Variants in SUSD1 observed in about 807,000 individuals in gnomAD.
SUSD1 encodes the protein sushi domain-containing protein 1.
SUSD1 carries 65 observed loss-of-function variants against 86.9 expected under a neutral mutation model. The ratio of observed to expected loss-of-function variants is 0.75; its 90% confidence interval spans 0.61 to 0.92. The LOEUF (loss-of-function observed/expected upper bound fraction) is 0.92, where lower values mean the gene tolerates loss of function less well. SUSD1 is among the 40% of genes least tolerant of loss of function. The pLI is 0.00. For missense variants in SUSD1, 850 were observed against 929.7 expected, an observed-to-expected ratio of 0.91 and a Z score of 1.11; for synonymous variants, 346 against 350.0, an observed-to-expected ratio of 0.99 and a Z score of 0.13.
intron 10 of SUSD1, among the ~76,000 whole-genome samples, chr9:112,087,188 T>G (rs969816200): frequency 5.3e-5 from 8 of 152,156 alleles, no homozygotes; most frequent in African/African-American, 1.9e-4. Flanking sequence ...TTTTTCTTTT[T>G]TGAGATGAAG....
chr9:112,115,659 A>G (rs969613420), intron 6 of SUSD1, among the ~76,000 whole-genome samples: 2 of 151,888 alleles, frequency 1.3e-5, no homozygotes, highest in Non-Finnish European at 2.9e-5. Flanking sequence ...ATACAAAAAA[A>G]TTAGCCAAGC....
intron 6 of SUSD1, among the ~76,000 whole-genome samples, chr9:112,123,399 T>A (rs1831631491): frequency 6.6e-6 from 1 of 152,020 alleles, no homozygotes; most frequent in Non-Finnish European, 1.5e-5. Flanking sequence ...ACAAAGCCAT[T>A]CCTGAGTGAT....
chr9:112,162,007 A>G lies in SUSD1; in HGVS notation c.104-4394T>C, dbSNP rs149063749. On this transcript the variant is annotated intron_variant, in intron 1 of 16. Coordinates refer to ENST00000374270, the MANE Select transcript of SUSD1 (RefSeq NM_022486.5). ...TAAAATTTTGCCTTATGTCTACTTT[A>G]CCACAATAGTAAGAAAATATTGAAA... 1.4e-3 allele frequency among the ~76,000 whole-genome samples: 215 copies of G among 152,300 alleles called. 1 individual carries two copies. The highest frequency in any genetic ancestry group is 0.014 in the South Asian group (68 of 4,824).
intron 5 of SUSD1, among the ~76,000 whole-genome samples, chr9:112,130,369 T>A (rs943101211): frequency 5.9e-5 from 8 of 134,906 alleles, no homozygotes; most frequent in African/African-American, 2.3e-4. Context: ...CGAGACTCCA[T>A]CTCAAAAATA....
chr9:112,096,964 C>T (rs567589336), intron 10 of SUSD1, among the ~76,000 whole-genome samples: 3 of 152,104 alleles, frequency 2.0e-5, no homozygotes, highest in East Asian at 3.8e-4. Flanking sequence ...TCATGAGGTG[C>T]TCCTTGTGCA....
chr9:112,130,019 C>A (rs369959425), intron 5 of SUSD1, among the ~76,000 whole-genome samples: 1 of 152,144 alleles, frequency 6.6e-6, no homozygotes, highest in South Asian at 2.1e-4. Flanking sequence ...CCCACAAAAA[C>A]CAGTATTAAT....
At chr9:112,124,919 A>G (rs1831705656) in intron 5 of SUSD1, among the ~76,000 whole-genome samples, 1 of 152,216 alleles carries the variant, frequency 6.6e-6, no homozygotes, top group African/African-American at 2.4e-5. Context: ...GTTGCATAGG[A>G]GGAGACAAAC....
At chr9:112,129,609 C>A (rs1352712311) in intron 5 of SUSD1, among the ~76,000 whole-genome samples, 1 of 152,100 alleles carries the variant, frequency 6.6e-6, no homozygotes. Flanking sequence ...CATCACTCAG[C>A]CGAGTATTAT....
At chr9:112,081,347 T>C (rs1311907801) in intron 10 of SUSD1, among the ~76,000 whole-genome samples, 1 of 152,188 alleles carries the variant, frequency 6.6e-6, no homozygotes, top group African/African-American at 2.4e-5. Flanking sequence ...CTCTATGGAT[T>C]GGGCAGCTTG....
chr9:112,073,794 G>A (rs1192307992), intron 12 of SUSD1, among the ~76,000 whole-genome samples: 6 of 152,174 alleles, frequency 3.9e-5, no homozygotes, highest in Admixed American at 6.6e-5. Flanking sequence ...TTGGGAGGTC[G>A]GGGCATGAGA....
chr9:112,077,159 A>T (rs1476360771), intron 12 of SUSD1, among the ~76,000 whole-genome samples: 1 of 151,950 alleles, frequency 6.6e-6, no homozygotes, highest in Non-Finnish European at 1.5e-5. Flanking sequence ...AATGCTGGGG[A>T]TAATTCTGTA....
chr9:112,107,254 C>CAAAAAAAAAAAAAAAAAAAAA (rs71382407), intron 8 of SUSD1, among the ~76,000 whole-genome samples: 3 of 66,198 alleles, frequency 4.5e-5, no homozygotes, highest in Non-Finnish European at 8.1e-5. Context: ...GACCATATCT[C>CAAAAAAAAAAAAAAAAAAAAA]AAAAAAAAAA....
At chr9:112,088,575 CCAGGAGTT>C (rs1351207492) in intron 10 of SUSD1, among the ~76,000 whole-genome samples, 1 of 151,982 alleles carries the variant, frequency 6.6e-6, no homozygotes, top group Non-Finnish European at 1.5e-5. Context: ...TCACTTAAGG[CCAGGAGTT>C]CAGGACTAGC....
chr9:112,097,020 A>T (rs1480735725), intron 10 of SUSD1, among the ~76,000 whole-genome samples: 2 of 43,724 alleles, frequency 4.6e-5, no homozygotes, highest in African/African-American at 1.8e-4. Flanking sequence ...TCAATCTGAT[A>T]AAAAAAATAG....
intron 10 of SUSD1, among the ~76,000 whole-genome samples, chr9:112,088,617 T>C (rs750078495): frequency 5.3e-5 from 8 of 151,912 alleles, no homozygotes; most frequent in Non-Finnish European, 1.2e-4. Context: ...GGAGAACCTG[T>C]CTCCACTAAA....
At chr9:112,090,245 T>A (rs1400062053) in intron 10 of SUSD1, among the ~76,000 whole-genome samples, 2 of 152,144 alleles carry the variant, frequency 1.3e-5, no homozygotes, top group African/African-American at 4.8e-5. Context: ...CAAATAAATT[T>A]TAAAACTTAG....
At chr9:112,092,143 G>A (rs1301060390) in intron 10 of SUSD1, among the ~76,000 whole-genome samples, 1 of 152,122 alleles carries the variant, frequency 6.6e-6, no homozygotes, top group African/African-American at 2.4e-5. Flanking sequence ...CTCAGTTGAG[G>A]GAAACAATAT....
chr9:112,155,381 C>T (rs571317911), intron 2 of SUSD1, among the ~76,000 whole-genome samples: 25 of 152,074 alleles, frequency 1.6e-4, no homozygotes, highest in Admixed American at 6.6e-4. Context: ...GGGTGAGGAA[C>T]GGGAGGGTGA....
intron 6 of SUSD1, among the ~76,000 whole-genome samples, chr9:112,115,417 C>T (rs1379981183): frequency 1.3e-5 from 2 of 152,178 alleles, no homozygotes; most frequent in Non-Finnish European, 2.9e-5. Context: ...TGCCGAGATA[C>T]CAGAAAGGCC....
Sources: allele counts gnomAD v4.1 joint callset (sites outside exome capture counted in the v4.1 genomes callset), GRCh38; gene constraint gnomAD v4.1.1; transcripts MANE v1.5; gene names NCBI Gene and HGNC (gene_info 2026-07-23, HGNC 2026-07-21).